Variants in ACTR3C observed in about 807,000 individuals in gnomAD.
ACTR3C encodes actin-related protein 3C.
ACTR3C carries 18 observed loss-of-function variants against 26.3 expected under a neutral mutation model. The observed-to-expected ratio is 0.68, with a 90% CI of 0.47 to 1.01. ACTR3C has a LOEUF of 1.01. ACTR3C is among the 50% of genes least tolerant of loss of function. ACTR3C has a pLI of 0.00. For missense variants in ACTR3C, 184 were observed against 250.7 expected (o/e 0.73, Z 1.80); for synonymous variants, 55 against 94.5 (o/e 0.58, Z 2.42).
At chr7:150,104,431 C>G in the ACTR3C span, among the ~76,000 whole-genome samples, 1 of 151,890 alleles carries the variant, frequency 6.6e-6, no homozygotes, top group South Asian at 2.1e-4. Context: ...AAATTTGTAT[C>G]TTTTCAAGCC....
the ACTR3C span, among the ~76,000 whole-genome samples, chr7:149,980,985 C>T: frequency 2.0e-4 from 30 of 150,646 alleles, 3 homozygotes; most frequent in South Asian, 6.3e-3. Flanking sequence ...AGAGTTTTAC[C>T]AGACAGCAAG....
chr7:150,207,879 C>T, the ACTR3C span, among the ~76,000 whole-genome samples: 1 of 149,872 alleles, frequency 6.7e-6, no homozygotes, highest in Non-Finnish European at 1.5e-5. Flanking sequence ...TAAAATTTCT[C>T]ATACATTTTA....
At chr7:150,040,219 AG>A in the ACTR3C span, among the ~76,000 whole-genome samples, 2 of 147,950 alleles carry the variant, frequency 1.4e-5, no homozygotes, top group African/African-American at 2.5e-5. Context: ...GCCCTCTAAT[AG>A]GGGGGCCATC....
At chr7:149,999,350 T>C in the ACTR3C span, among the ~76,000 whole-genome samples, 1 of 150,874 alleles carries the variant, frequency 6.6e-6, no homozygotes, top group Non-Finnish European at 1.5e-5. Context: ...CCTGTCCAGG[T>C]ATGCTGGAGC....
chr7:150,227,688 G>GTGTTTTTTTTTTTTTTTTTTTTTTTTT, the ACTR3C span, among the ~76,000 whole-genome samples: 12 of 111,382 alleles, frequency 1.1e-4, no homozygotes, highest in East Asian at 8.1e-4. Context: ...TTGTGTCTGG[G>GTGTTTTTTTTTTTTTTTTTTTTTTTTT]TTTTTTTTTT....
the ACTR3C span, among the ~76,000 whole-genome samples, chr7:149,985,207 AACACACAC>A: frequency 9.4e-3 from 1,229 of 130,624 alleles, 20 homozygotes; most frequent in African/African-American, 0.033. Context: ...CAAACAAAGC[AACACACAC>A]ACACACACAC....
chr7:150,132,457 A>G, the ACTR3C span, among the ~76,000 whole-genome samples: 1 of 152,356 alleles, frequency 6.6e-6, no homozygotes, highest in African/African-American at 2.4e-5. Context: ...ATGAACAGAC[A>G]CGTCTCAAAA....
chr7:150,211,847 G>A, the ACTR3C span, among the ~76,000 whole-genome samples: 2 of 149,742 alleles, frequency 1.3e-5, no homozygotes, highest in Non-Finnish European at 2.9e-5. Context: ...AAGCTTCCAC[G>A]AGGCCCCAGT....
the ACTR3C span, among the ~76,000 whole-genome samples, chr7:150,126,332 AG>A: frequency 1.3e-5 from 2 of 152,242 alleles, no homozygotes; most frequent in Non-Finnish European, 2.9e-5. Flanking sequence ...ATTCGGAATC[AG>A]GAAAGGGATT....
downstream of ACTR3C, among the ~76,000 whole-genome samples, chr7:150,243,710 C>A (rs1041790059): frequency 6.6e-6 from 1 of 152,152 alleles, no homozygotes; most frequent in East Asian, 1.9e-4. Context: ...ATATATAATA[C>A]AATGTAAATG....
At chr7:150,247,138 T>C (rs1563141885), downstream of ACTR3C, 2 of 152,210 alleles carry the variant, frequency 1.3e-5, no homozygotes, top group South Asian at 4.1e-4. Context: ...CATTAAGTTT[T>C]AAAACAGCAA....
the ACTR3C span, among the ~76,000 whole-genome samples, chr7:149,888,125 T>C: frequency 2.6e-5 from 4 of 152,258 alleles, no homozygotes; most frequent in African/African-American, 9.6e-5. Flanking sequence ...TTAGGGTGTT[T>C]TGTCATGCAG....
chr7:150,264,967 T>C (rs1201608316), intron 6 of ACTR3C: 1 of 751,728 alleles, frequency 1.3e-6, no homozygotes, highest in Admixed American at 6.2e-5. Context: ...AACTGAACAG[T>C]AACTCCACCT....
At chr7:150,193,975 TAC>T in the ACTR3C span, among the ~76,000 whole-genome samples, 1 of 140,650 alleles carries the variant, frequency 7.1e-6, no homozygotes, top group Non-Finnish European at 1.5e-5. Flanking sequence ...ATATATAAAA[TAC>T]ACATACACAC....
the ACTR3C span, among the ~76,000 whole-genome samples, chr7:150,137,685 C>G: frequency 3.9e-5 from 6 of 152,192 alleles, no homozygotes; most frequent in Admixed American, 3.3e-4. Flanking sequence ...AATGAAGGAA[C>G]AGTTAATTTA....
At chr7:150,291,261 T>A (rs1041711723) in intron 3 of ACTR3C, among the ~76,000 whole-genome samples, 2 of 152,086 alleles carry the variant, frequency 1.3e-5, no homozygotes, top group African/African-American at 4.8e-5. Flanking sequence ...AGAAACCCCA[T>A]CTCTACTAAA....
chr7:150,089,233 A>G, the ACTR3C span, among the ~76,000 whole-genome samples: 1 of 152,232 alleles, frequency 6.6e-6, no homozygotes, highest in Non-Finnish European at 1.5e-5. Flanking sequence ...TCAACTGCCT[A>G]TTGTGCAATG....
chr7:150,164,375 G>C, the ACTR3C span, among the ~76,000 whole-genome samples: 5 of 152,202 alleles, frequency 3.3e-5, no homozygotes, highest in Non-Finnish European at 7.4e-5. Context: ...AAAGTGGTCA[G>C]ATCCTCGGTG....
At chr7:149,994,616 T>C in the ACTR3C span, among the ~76,000 whole-genome samples, 1 of 150,812 alleles carries the variant, frequency 6.6e-6, no homozygotes, top group Non-Finnish European at 1.5e-5. Context: ...GAAAAAAAAA[T>C]GGAAGCTAAG....
Sources: gnomAD v4.1 joint callset for allele counts (sites outside exome capture counted in the v4.1 genomes callset) on GRCh38, gnomAD v4.1.1 for gene constraint, MANE v1.5 for transcripts, NCBI Gene and HGNC (gene_info 2026-07-23, HGNC 2026-07-21) for gene names.